The following ZNF721 variants were observed in gnomAD, a reference collection of about 807,000 sequenced individuals.
ZNF721 encodes the protein zinc finger protein 721.
In ZNF721, 2 loss-of-function variants were observed where a neutral mutation model predicts 2.4. The observed-to-expected ratio is 0.82, with a 90% CI of 0.34 to 2.58. The LOEUF (loss-of-function observed/expected upper bound fraction) is 2.58. Among genes scored for constraint, ZNF721 ranks in the 30% most tolerant of loss-of-function variants. The pLI, the probability that ZNF721 is intolerant of heterozygous loss-of-function variation, is 0.11. For synonymous variants in ZNF721, 398 were observed against 381.8 expected, an observed-to-expected ratio of 1.04 and a Z score of -0.50; for missense variants, 1,187 against 1,085.5, an observed-to-expected ratio of 1.09 and a Z score of -1.31.
chr4:497,520 C>T (rs1186402394), intron 1 of ZNF721, among the ~76,000 whole-genome samples: 2 of 152,108 alleles, frequency 1.3e-5, no homozygotes, highest in Non-Finnish European at 2.9e-5. Context: ...ATCCTGACGA[C>T]GTGGGTCCAA....
At chr4:469,646 G>A (rs1279989235) in intron 2 of ZNF721, among the ~76,000 whole-genome samples, 1 of 152,120 alleles carries the variant, frequency 6.6e-6, no homozygotes, top group Non-Finnish European at 1.5e-5. Flanking sequence ...AACAAAGCTA[G>A]GGGCATCATA....
chr4:475,326 GACTT>G (rs1394917212), intron 1 of ZNF721, among the ~76,000 whole-genome samples: 1 of 151,666 alleles, frequency 6.6e-6, no homozygotes, highest in African/African-American at 2.4e-5. Flanking sequence ...ACTCTTTGCA[GACTT>G]ACTAATATTT....
At chr4:466,149 C>T (rs1266123888) in intron 2 of ZNF721, among the ~76,000 whole-genome samples, 8 of 151,854 alleles carry the variant, frequency 5.3e-5, no homozygotes, top group Admixed American at 3.9e-4. Flanking sequence ...CAGAACTCCT[C>T]GTTGGTTTTC....
Position 444,394 on chromosome 4 carries a change from G to A in ZNF721, c.73C>T (p.Gln25Ter). ...TTGTGGAATGAATCTTCTATCCCCTGCACTGGCAAAAAGTCTTGGGTGAAA... is the reference window on the plus strand; with the variant it reads ...TTGTGGAATGAATCTTCTATCCCCTACACTGGCAAAAAGTCTTGGGTGAAA... ...SHFTQDFLPV[Q>*]GIEDSFHKLI... The change falls in exon 3 of 3, where the codon CAG (glutamine) becomes TAG (stop). Residue 25 changes from glutamine to a stop codon, truncating the protein, a stop_gained. Transcript: ENST00000511833. LOFTEE classifies it low-confidence loss of function (END_TRUNC). 6.3e-7 allele frequency: 1 copy of A among 1,597,860 alleles called. No individual in the cohort carries two copies. The highest frequency in any genetic ancestry group is 8.5e-7 in the Non-Finnish European group (1 of 1,173,476).
chr4:453,370 T>C (rs1428464220), intron 2 of ZNF721: 3 of 152,214 alleles, frequency 2.0e-5, no homozygotes, highest in Non-Finnish European at 4.4e-5. Flanking sequence ...AAAAAAATAC[T>C]GGGAAGATAC....
intron 2 of ZNF721, among the ~76,000 whole-genome samples, chr4:448,738 C>G (rs1714558521): frequency 1.3e-5 from 2 of 152,126 alleles, no homozygotes; most frequent in African/African-American, 2.4e-5. Flanking sequence ...AGATATAAAG[C>G]TGAACAGCTA....
At chr4:498,340 G>A (rs9994908) in intron 1 of ZNF721, among the ~76,000 whole-genome samples, 63,469 of 151,834 alleles carry the variant, frequency 0.42, 14,101 homozygotes, top group African/African-American at 0.59. Context: ...GCAGTTTCTG[G>A]GTTTCTGATA....
chr4:495,959 T>C (rs1716141416), intron 1 of ZNF721, among the ~76,000 whole-genome samples: 1 of 152,186 alleles, frequency 6.6e-6, no homozygotes, highest in Non-Finnish European at 1.5e-5. Flanking sequence ...TAAATCTCAT[T>C]ACCATATTTC....
chr4:484,930 C>T (rs542117023), intron 1 of ZNF721, among the ~76,000 whole-genome samples: 7 of 152,286 alleles, frequency 4.6e-5, no homozygotes, highest in Non-Finnish European at 8.8e-5. Flanking sequence ...CTGGTTTTTG[C>T]GGCTTGTGGG....
intron 2 of ZNF721, among the ~76,000 whole-genome samples, chr4:450,757 G>A (rs1375432269): frequency 3.3e-5 from 5 of 151,436 alleles, no homozygotes; most frequent in Admixed American, 2.0e-4. Context: ...CTAACATGGT[G>A]AAACCCCATC....
chr4:498,223 A>G (rs1716371623), intron 1 of ZNF721, among the ~76,000 whole-genome samples: 1 of 136,396 alleles, frequency 7.3e-6, no homozygotes, highest in Non-Finnish European at 1.6e-5. Context: ...AAGAAAAAAA[A>G]AAAAAAAAAA....
intron 2 of ZNF721, among the ~76,000 whole-genome samples, chr4:450,303 T>C (rs1307236183): frequency 6.6e-6 from 1 of 152,172 alleles, no homozygotes; most frequent in African/African-American, 2.4e-5. Flanking sequence ...ATAAAGAAAA[T>C]GTAGTATATA....
At chr4:451,508 G>T (rs1714660728) in intron 2 of ZNF721, among the ~76,000 whole-genome samples, 1 of 152,148 alleles carries the variant, frequency 6.6e-6, no homozygotes, top group Non-Finnish European at 1.5e-5. Flanking sequence ...CACAGATGGT[G>T]GCTGACTCTG....
At chr4:467,759 C>T (rs1442116805) in intron 2 of ZNF721, among the ~76,000 whole-genome samples, 3 of 152,228 alleles carry the variant, frequency 2.0e-5, no homozygotes, top group African/African-American at 7.2e-5. Flanking sequence ...CTTGAAGCAG[C>T]CCTGTGACTC....
chr4:487,333 C>A (rs1407649199), intron 1 of ZNF721, among the ~76,000 whole-genome samples: 3 of 152,170 alleles, frequency 2.0e-5, no homozygotes, highest in African/African-American at 7.2e-5. Context: ...CCCATTTTAA[C>A]TTTCTGGAGA....
chr4:494,984 G>A (rs566680354), intron 1 of ZNF721, among the ~76,000 whole-genome samples: 56 of 150,294 alleles, frequency 3.7e-4, no homozygotes, highest in African/African-American at 1.3e-3. Context: ...CCGGGTTCAC[G>A]CCATTCTCCT....
At chr4:457,933 G>A (rs1193876095) in intron 2 of ZNF721, among the ~76,000 whole-genome samples, 5 of 152,182 alleles carry the variant, frequency 3.3e-5, no homozygotes, top group African/African-American at 1.2e-4. Context: ...CAGAAATCTG[G>A]AGGGAGAAAT....
At chr4:461,808 G>A (rs1672728650) in intron 2 of ZNF721, among the ~76,000 whole-genome samples, 1 of 152,190 alleles carries the variant, frequency 6.6e-6, no homozygotes, top group Non-Finnish European at 1.5e-5. Flanking sequence ...AGGAGATGGA[G>A]GTTGCAGTGA....
chr4:477,718 A>G (rs1317585752), intron 1 of ZNF721, among the ~76,000 whole-genome samples: 3 of 152,172 alleles, frequency 2.0e-5, no homozygotes, highest in Admixed American at 2.0e-4. Flanking sequence ...AGACCAAACA[A>G]AACATGCATG....
Sources: gnomAD v4.1 joint callset for allele counts (sites outside exome capture counted in the v4.1 genomes callset) on GRCh38, gnomAD v4.1.1 for gene constraint, MANE v1.5 for transcripts, NCBI Gene and HGNC (gene_info 2026-07-23, HGNC 2026-07-21) for gene names.